The following TTC39A variants were observed in gnomAD, a reference collection of about 807,000 sequenced individuals.
The protein encoded by TTC39A is tetratricopeptide repeat domain 39A, also known as tetratricopeptide repeat protein 39A.
In TTC39A, 46 loss-of-function variants were observed where a neutral mutation model predicts 82.3. The observed-to-expected ratio is 0.56, with a 90% CI of 0.44 to 0.71. The LOEUF (loss-of-function observed/expected upper bound fraction) is 0.71, where lower values mean the gene tolerates loss of function less well. Among genes scored for constraint, TTC39A ranks in the 30% least tolerant of loss-of-function variants. The pLI is 0.00. For missense variants in TTC39A, 543 were observed against 712.9 expected (o/e 0.76, Z 2.71); for synonymous variants, 254 against 275.2 (o/e 0.92, Z 0.76).
intron 1 of TTC39A, chr1:51,343,141 C>A: frequency 2.2e-6 from 1 of 445,216 alleles, no homozygotes; most frequent in Non-Finnish European, 4.6e-6. Flanking sequence ...ATCCCATGTC[C>A]TCATCAAAAC....
intron 1 of TTC39A, among the ~76,000 whole-genome samples, chr1:51,343,894 G>A (rs1646066071): frequency 1.3e-5 from 2 of 152,214 alleles, no homozygotes; most frequent in African/African-American, 2.4e-5. Context: ...GAGCCACCAC[G>A]CCTAGCCTAT....
Position 51,290,014 on chromosome 1 carries a change from A to T in TTC39A, c.1484T>A (p.Ile495Asn), listed in dbSNP as rs1420540842. Residue 495 changes from isoleucine (I) to asparagine (N), a missense_variant, in exon 16 of 18, where the codon ATC (isoleucine) becomes AAC (asparagine). Transcript: ENST00000680483. ...VQEAEENFRSISANEKKIKYD... is the reference protein window; with the variant it reads ...VQEAEENFRSNSANEKKIKYD... ...CTGCAGAGGCACTTACTTGGCAGAG[A>T]TGCTCCTAAAATTCTCCTCGGCCTC... 6.2e-7 allele frequency: 1 copy of T among 1,613,282 alleles called. No individual in the cohort carries two copies. Among genetic ancestry groups the T allele is most frequent in the Non-Finnish European group, 8.5e-7 (1 of 1,179,582 alleles).
At chr1:51,324,601 A>C (rs1362258758) in intron 1 of TTC39A, among the ~76,000 whole-genome samples, 2 of 152,038 alleles carry the variant, frequency 1.3e-5, no homozygotes, top group Non-Finnish European at 1.5e-5. Flanking sequence ...AGCTCACAGC[A>C]ACCTCCTCCT....
rs1169358126 is a variant in TTC39A, at chr1:51,287,899, C to T, written c.*258G>A. On this transcript the variant is annotated 3_prime_UTR_variant, in exon 18 of 18. Transcript: ENST00000680483. ...ACTGTTCATACATTCTCTTAAACAT[C>T]ACAGTGAAAAGCAAGTACCCGTATG... is the stretch of plus-strand genomic sequence containing the variant. 4.4e-6 allele frequency: 2 copies of T among 454,822 alleles called. No individual in the cohort carries two copies. The highest frequency in any genetic ancestry group is 1.9e-5 in the African/African-American group (1 of 51,900). 28.2% of individuals were successfully genotyped at this position (454,822 alleles called of 1,614,324 possible).
chr1:51,313,143 T>G (rs146810327), intron 2 of TTC39A, among the ~76,000 whole-genome samples, 200 bp from the exon 3 acceptor site: 1 of 152,220 alleles, frequency 6.6e-6, no homozygotes, highest in Non-Finnish European at 1.5e-5. Context: ...GCTTGCCTTC[T>G]TCCTGCTGAG....
chr1:51,307,407 G>T (rs758095890), intron 6 of TTC39A, among the ~76,000 whole-genome samples: 46 of 152,150 alleles, frequency 3.0e-4, no homozygotes, highest in Non-Finnish European at 5.3e-4. Flanking sequence ...CAATATCCCT[G>T]CAGGGAAGCA....
At chr1:51,333,852 C>T (rs749416569), upstream of TTC39A, among the ~76,000 whole-genome samples, 7 of 152,154 alleles carry the variant, frequency 4.6e-5, no homozygotes, top group East Asian at 3.8e-4. Flanking sequence ...GACACTAATG[C>T]GGGGCCTAGC....
Position 51,303,173 on chromosome 1 carries a change from A to T in TTC39A, c.674T>A (p.Leu225Gln). 7.2e-7 allele frequency: 1 copy of T among 1,384,534 alleles called. No individual in the cohort carries two copies. Among genetic ancestry groups the T allele is most frequent in the South Asian group, 1.2e-5 (1 of 82,220 alleles). 85.8% of individuals were successfully genotyped at this position (1,384,534 alleles called of 1,614,324 possible). A position where few individuals can be genotyped will look rare whatever the true frequency, so the allele number is the denominator to read the frequency against. ...GCTGTGCCCTGACGCTCCCTCCTCC[A>T]GCTGCAGCAGCCCATAGTCCTGAGG... ...SGNKDYGLLQ[L>Q]EEGASGHSFR... Residue 225 changes from leucine to glutamine, a missense_variant, in exon 9 of 18, where the codon CTG becomes CAG. Coordinates refer to ENST00000680483, the MANE Select transcript of TTC39A (RefSeq NM_001297663.2).
rs757611689 is a variant in TTC39A at position 51,309,366 on chromosome 1, C to A, written c.424-41G>T. Reference sequence around the variant, plus strand: ...ATGCTGACGGCCTGGCCCAGGTGGGCAGCTGCAGGCGTGAGAGGGATCATG... The same window carrying A: ...ATGCTGACGGCCTGGCCCAGGTGGGAAGCTGCAGGCGTGAGAGGGATCATG... On this transcript the variant is annotated intron_variant, in intron 5 of 17. Transcript: ENST00000680483. 8.7e-6 allele frequency: 14 copies of A among 1,612,132 alleles called. No individual in the cohort carries two copies. In the Admixed American group the frequency reaches 2.3e-4, roughly 27 times the overall value.
intron 8 of TTC39A, among the ~76,000 whole-genome samples, chr1:51,303,428 C>T (rs959265934): frequency 3.9e-5 from 6 of 152,204 alleles, no homozygotes; most frequent in Non-Finnish European, 5.9e-5. Context: ...TCTGAGGTGT[C>T]CCCCACCTTC....
Position 51,330,338 on chromosome 1 carries a change from A to G in TTC39A, c.41+99T>C, listed in dbSNP as rs1055328963. ...GGGCTGGAAGCCGCAGTGCGGCCCC[A>G]GGCCGGTGCGCGGGGGGAGGCCTGG... is the stretch of plus-strand genomic sequence containing the variant. On this transcript the variant is annotated intron_variant, in intron 1 of 17. Coordinates refer to ENST00000680483, the MANE Select transcript of TTC39A (RefSeq NM_001297663.2). The surrounding 1 kb of genome is among the most constrained non-coding windows in gnomAD (Gnocchi z 4.5). The G allele has an allele frequency of 1.2e-5, 11 of 913,606 alleles. No homozygotes were observed. In the Admixed American group the frequency reaches 6.3e-4, roughly 52 times the overall value. 56.6% of individuals were successfully genotyped at this position (913,606 alleles called of 1,614,324 possible). A position where few individuals can be genotyped will look rare whatever the true frequency, so the allele number is the denominator to read the frequency against.
At chr1:51,290,369 A>C in intron 15 of TTC39A, 145 bp downstream of exon 15, 2 of 800,384 alleles carry the variant, frequency 2.5e-6, no homozygotes, top group Non-Finnish European at 3.9e-6. Flanking sequence ...TGGACAAGGA[A>C]CAGCTGCTTG....
chr1:51,290,418 G>C, intron 15 of TTC39A, 96 bp downstream of exon 15: 1 of 1,091,218 alleles, frequency 9.2e-7, no homozygotes, highest in Non-Finnish European at 1.3e-6. Flanking sequence ...GAGTTGCCAG[G>C]GTAGGGAAAG....
Position 51,305,940 on chromosome 1 carries a change from A to C in TTC39A, c.588+37T>G, listed in dbSNP as rs763883379. ...AGGGACAGAAGGGGAGACTGAGCTC[A>C]AGCCAGGTGCTGTGGAAATGGAGGA... On this transcript the variant is annotated intron_variant, in intron 7 of 17. Transcript: ENST00000680483. 10 of 1,600,536 alleles carry C rather than the reference A, an allele frequency of 6.2e-6. No individual in the cohort carries two copies. The East Asian group carries it at 1.8e-4, about 29-fold the overall frequency.
chr1:51,299,405 C>A (rs1305266159), intron 12 of TTC39A: 1 of 152,420 alleles, frequency 6.6e-6, no homozygotes, highest in East Asian at 1.9e-4. Flanking sequence ...CAGCAGCTGA[C>A]CTCGGAGGAT....
At chr1:51,327,863 A>C (rs1645770496) in intron 1 of TTC39A, among the ~76,000 whole-genome samples, 2 of 151,950 alleles carry the variant, frequency 1.3e-5, no homozygotes, top group African/African-American at 2.4e-5. Context: ...TGCCAGGCTA[A>C]TTTTTGTATT....
intron 1 of TTC39A, among the ~76,000 whole-genome samples, chr1:51,325,030 G>A (rs559311029): frequency 1.3e-3 from 195 of 151,394 alleles, no homozygotes; most frequent in African/African-American, 4.4e-3. Context: ...TGAGGCGGGC[G>A]GATCACCTGA....
In TTC39A at chr1:51,294,465, T is replaced by C; in HGVS notation, c.1192A>G (p.Thr398Ala). Residue 398 changes from threonine (T) to alanine (A), a missense_variant, in exon 14 of 18, where the codon ACA (threonine) becomes GCA (alanine). Thr to Ala is a moderately conservative substitution (Grantham distance 58). Transcript: ENST00000680483. The surrounding 1 kb of genome is among the most constrained non-coding windows in gnomAD (Gnocchi z 4.3). ...KLKIAGKSLPTEKFAIRKSRR... is the reference protein window; with the variant it reads ...KLKIAGKSLPAEKFAIRKSRR... ...GACTTCCGGATGGCAAACTTCTCTG[T>C]GGGTAGAGATTTCCCAGCAATCTTG... 6.2e-7 allele frequency: 1 copy of C among 1,613,938 alleles called. No individual in the cohort carries two copies. Among genetic ancestry groups the C allele is most frequent in the South Asian group, 1.1e-5 (1 of 91,080 alleles).
In TTC39A at chr1:51,288,959, C is replaced by T; in HGVS notation, c.1494-4G>A. On this transcript the variant is annotated splice_polypyrimidine_tract_variant and splice_region_variant and intron_variant, in intron 16 of 17. Coordinates refer to ENST00000680483, the MANE Select transcript of TTC39A (RefSeq NM_001297663.2). This position sits in a 1 kb window ranked among gnomAD's most constrained non-coding sequence, Gnocchi z 4.8. Reference sequence around the variant, plus strand: ...GTCATATTTAATCTTCTTTTCACTGCAGAACAGAGGACATGGCTCAGGTTC... The same window carrying T: ...GTCATATTTAATCTTCTTTTCACTGTAGAACAGAGGACATGGCTCAGGTTC... The T allele has an allele frequency of 1.9e-6, 3 of 1,588,366 alleles. No homozygotes were observed. Among genetic ancestry groups the T allele is most frequent in the Non-Finnish European group, 2.6e-6 (3 of 1,166,530 alleles).
Sources: allele counts gnomAD v4.1 joint callset (sites outside exome capture counted in the v4.1 genomes callset), GRCh38; gene constraint gnomAD v4.1.1; non-coding constraint Gnocchi (gnomAD v3.1); transcripts MANE v1.5; gene names NCBI Gene and HGNC (gene_info 2026-07-23, HGNC 2026-07-21).